DLGAP2: variants seen among roughly 807,000 people sequenced by gnomAD.
DLGAP2 encodes the protein DLG associated protein 2.
In DLGAP2, 26 loss-of-function variants were observed where a neutral mutation model predicts 100.3. That is an observed-to-expected ratio of 0.26 (90% CI 0.19 to 0.36). The LOEUF is 0.36. Among genes scored for constraint, DLGAP2 ranks in the 10% least tolerant of loss-of-function variants. The pLI, the probability that DLGAP2 is intolerant of heterozygous loss-of-function variation, is 1.00. For missense variants in DLGAP2, 1,858 were observed against 1,453.2 expected (o/e 1.28, Z -4.53); for synonymous variants, 886 against 630.1 (o/e 1.41, Z -6.08).
intron 2 of DLGAP2, among the ~76,000 whole-genome samples, chr8:980,777 C>A (rs1384106139): frequency 6.6e-6 from 1 of 152,042 alleles, no homozygotes; most frequent in Non-Finnish European, 1.5e-5. Flanking sequence ...GGGGGCTCGA[C>A]AGGTGGCAGC....
intron 1 of DLGAP2, among the ~76,000 whole-genome samples, chr8:756,636 C>G (rs774948628): frequency 2.0e-5 from 3 of 152,028 alleles, no homozygotes; most frequent in Non-Finnish European, 4.4e-5. Context: ...CCTATGCAAG[C>G]TGAAAGATCG....
chr8:1,606,335 C>G (rs531788793), intron 6 of DLGAP2, among the ~76,000 whole-genome samples: 37 of 152,228 alleles, frequency 2.4e-4, no homozygotes, highest in African/African-American at 8.2e-4. Context: ...TATGGACTTG[C>G]GCGAACATCA....
intron 6 of DLGAP2, among the ~76,000 whole-genome samples, chr8:1,606,397 GTC>G (rs1333418813): frequency 1.3e-5 from 2 of 151,994 alleles, no homozygotes; most frequent in Non-Finnish European, 2.9e-5. Context: ...ACCCTGTACC[GTC>G]ACTCCCCACT....
Position 1,377,209 on chromosome 8 carries a change from C to T in DLGAP2, c.106+118326C>T, listed in dbSNP as rs2129742745. Among the ~76,000 whole-genome samples, 3 of 152,334 alleles carry T rather than the reference C, an allele frequency of 2.0e-5. No homozygotes were observed. The South Asian group carries it at 6.2e-4, about 32-fold the overall frequency. The stretch of plus-strand genomic sequence containing the variant: ...GTGGTGTGCAGCTGTAGGGTTAGGG[C>T]AGCAGAGGTGTTTGGGGCCAGCCAG... On this transcript the variant is annotated intron_variant, in intron 3 of 14. Coordinates refer to ENST00000637795, the MANE Select transcript of DLGAP2 (RefSeq NM_001346810.2).
intron 3 of DLGAP2, among the ~76,000 whole-genome samples, chr8:1,466,385 T>C (rs932372762): frequency 1.3e-5 from 2 of 152,026 alleles, no homozygotes; most frequent in African/African-American, 4.8e-5. Context: ...CCCTCCCTTT[T>C]CCTCTTTTGG....
At chr8:812,514 A>T (rs1236486785) in intron 1 of DLGAP2, among the ~76,000 whole-genome samples, 3 of 152,186 alleles carry the variant, frequency 2.0e-5, no homozygotes, top group Non-Finnish European at 4.4e-5. Flanking sequence ...GGGAGAAATC[A>T]GGTGTGGCAT....
At chr8:1,656,199 A>G (rs1199013072) in intron 8 of DLGAP2, among the ~76,000 whole-genome samples, 2 of 152,078 alleles carry the variant, frequency 1.3e-5, no homozygotes, top group Non-Finnish European at 2.9e-5. Context: ...ACCGCGTGCT[A>G]CTTGGGAGGC....
chr8:1,239,418 C>T (rs1483231717), intron 2 of DLGAP2, among the ~76,000 whole-genome samples: 1 of 12,464 alleles, frequency 8.0e-5, no homozygotes, highest in Non-Finnish European at 1.5e-4. Flanking sequence ...TCACATGGCG[C>T]CATGTCTAGT....
intron 3 of DLGAP2, among the ~76,000 whole-genome samples, chr8:1,422,898 G>A (rs1461137583): frequency 6.6e-6 from 1 of 152,158 alleles, no homozygotes; most frequent in Admixed American, 6.5e-5. Context: ...GCCTGAGGAA[G>A]CTCCAGCTCC....
intron 10 of DLGAP2, among the ~76,000 whole-genome samples, chr8:1,672,322 C>T (rs565173866): frequency 3.4e-4 from 51 of 151,714 alleles, no homozygotes; most frequent in African/African-American, 1.2e-3. Context: ...GCCTCCACCT[C>T]CTGAGTTCAA....
At chr8:1,670,494 T>G (rs1798663454) in intron 10 of DLGAP2, among the ~76,000 whole-genome samples, 1 of 152,160 alleles carries the variant, frequency 6.6e-6, no homozygotes, top group Admixed American at 6.5e-5. Context: ...CCCCACACAC[T>G]GTGTCCTGTG....
intron 2 of DLGAP2, among the ~76,000 whole-genome samples, chr8:995,767 G>A (rs558420096): frequency 1.7e-4 from 26 of 152,336 alleles, no homozygotes; most frequent in Middle Eastern, 3.4e-3. Context: ...AAAAGTAGAA[G>A]TGGTTGCCAT....
chr8:999,641 G>A (rs1800886001), intron 2 of DLGAP2, among the ~76,000 whole-genome samples: 1 of 151,866 alleles, frequency 6.6e-6, no homozygotes, highest in Non-Finnish European at 1.5e-5. Flanking sequence ...ATCATGCCTG[G>A]CTCATTTTTT....
intron 8 of DLGAP2, among the ~76,000 whole-genome samples, chr8:1,652,647 T>C (rs1798193698): frequency 6.6e-6 from 1 of 152,170 alleles, no homozygotes; most frequent in Non-Finnish European, 1.5e-5. Flanking sequence ...TGGGGACATG[T>C]ACATGGATGA....
intron 6 of DLGAP2, among the ~76,000 whole-genome samples, chr8:1,601,876 C>T (rs529227649): frequency 2.0e-5 from 3 of 151,960 alleles, no homozygotes; most frequent in African/African-American, 7.2e-5. Flanking sequence ...TTCAGTGAGA[C>T]ATTTTTTTCA....
intron 2 of DLGAP2, among the ~76,000 whole-genome samples, chr8:1,070,017 T>G (rs75924308): frequency 3.7e-4 from 56 of 152,368 alleles, no homozygotes; most frequent in African/African-American, 1.3e-3. Context: ...AATGTTTTGT[T>G]CTTGGACTTA....
chr8:803,477 C>T (rs567301465), intron 1 of DLGAP2, among the ~76,000 whole-genome samples: 6 of 152,154 alleles, frequency 3.9e-5, no homozygotes, highest in South Asian at 4.2e-4. Context: ...TCTAGCTGCT[C>T]CTGTCCATGG....
chr8:1,226,261 T>A (rs1184385483), intron 2 of DLGAP2, among the ~76,000 whole-genome samples: 1 of 151,932 alleles, frequency 6.6e-6, no homozygotes, highest in Non-Finnish European at 1.5e-5. Flanking sequence ...ATAAAAAAAA[T>A]GCGGTGCACC....
intron 3 of DLGAP2, among the ~76,000 whole-genome samples, chr8:1,413,083 T>C (rs1375271650): frequency 6.6e-6 from 1 of 152,190 alleles, no homozygotes; most frequent in Non-Finnish European, 1.5e-5. Flanking sequence ...CATTACCTCC[T>C]CAGTTCTCCT....
Sources: allele counts gnomAD v4.1 joint callset (sites outside exome capture counted in the v4.1 genomes callset), GRCh38; gene constraint gnomAD v4.1.1; transcripts MANE v1.5; gene names NCBI Gene and HGNC (gene_info 2026-07-23, HGNC 2026-07-21).